Variants in PTPRT observed in about 807,000 individuals in gnomAD.
PTPRT encodes the protein receptor-type tyrosine-protein phosphatase T.
A neutral mutation model predicts 176.8 loss-of-function variants in PTPRT; 56 were observed. That is an observed-to-expected ratio of 0.32 (90% CI 0.26 to 0.40). The LOEUF (loss-of-function observed/expected upper bound fraction) is 0.40. Among genes scored for constraint, PTPRT ranks in the 10% least tolerant of loss-of-function variants. The pLI is 1.00. For missense variants in PTPRT, 1,540 were observed against 1,908.2 expected (o/e 0.81, Z 3.60); for synonymous variants, 783 against 739.0 (o/e 1.06, Z -0.96).
intron 1 of PTPRT, among the ~76,000 whole-genome samples, chr20:43,128,588 G>T (rs977426378): frequency 3.3e-5 from 5 of 152,242 alleles, no homozygotes; most frequent in African/African-American, 1.2e-4. Context: ...AAATGAGAAA[G>T]TTCCAGCAAT....
chr20:42,119,835 C>T, intron 20 of PTPRT, 100 bp downstream of exon 20: 2 of 1,056,816 alleles, frequency 1.9e-6, no homozygotes, highest in Non-Finnish European at 2.7e-6. Context: ...GTTGGAGTAA[C>T]AGATATAGGA....
intron 1 of PTPRT, among the ~76,000 whole-genome samples, chr20:42,914,492 C>T (rs964017288): frequency 2.0e-5 from 3 of 152,196 alleles, no homozygotes; most frequent in Admixed American, 2.0e-4. Context: ...CAATAAAATA[C>T]TACTCAGCAA....
At chr20:42,877,689 G>A (rs540844719) in intron 2 of PTPRT, among the ~76,000 whole-genome samples, 43 of 152,280 alleles carry the variant, frequency 2.8e-4, no homozygotes, top group African/African-American at 9.9e-4. Flanking sequence ...TGTTGTTCCT[G>A]CCTACAAGAA....
chr20:42,398,910 T>A (rs929704911), intron 9 of PTPRT, among the ~76,000 whole-genome samples: 8 of 152,194 alleles, frequency 5.3e-5, no homozygotes, highest in Admixed American at 2.6e-4. Context: ...AGGCTGCATG[T>A]TCCAAGATGG....
chr20:42,416,563 C>T lies in PTPRT; in HGVS notation c.1560+31657G>A, dbSNP rs2059068100. On this transcript the variant is annotated intron_variant, in intron 9 of 30. Coordinates refer to ENST00000373187, the MANE Select transcript of PTPRT (RefSeq NM_007050.6). ...CCGACTGGCCTTCTATTTGCTGCCC[C>T]TAAGTTAAATAGAAGAAATTGTTTG... is the stretch of plus-strand genomic sequence containing the variant. Among the ~76,000 whole-genome samples, 3 of 152,160 alleles carry T rather than the reference C, an allele frequency of 2.0e-5. No homozygotes were observed. In the South Asian group the frequency reaches 6.2e-4, roughly 31 times the overall value.
chr20:42,221,812 C>T (rs1011093453), intron 15 of PTPRT, among the ~76,000 whole-genome samples: 5 of 152,132 alleles, frequency 3.3e-5, no homozygotes, highest in African/African-American at 1.2e-4. Flanking sequence ...AGCCACCACA[C>T]CTGGCCAAAA....
rs776467589 is a variant in PTPRT, at chr20:42,080,849, G to T, written c.*30C>A. ...AGGGGGCTTGGTCACAGCAGCCTCT[G>T]GACTCCGGCAGGTTCCCCATCCCAT... On this transcript the variant is annotated 3_prime_UTR_variant, in exon 31 of 31. Transcript: ENST00000373187. 99 of 1,593,072 alleles carry T rather than the reference G, an allele frequency of 6.2e-5. No individual in the cohort carries two copies. In the Middle Eastern group the frequency reaches 8.3e-4, roughly 13 times the overall value.
At chr20:42,167,419 T>C (rs1293119076) in intron 16 of PTPRT, among the ~76,000 whole-genome samples, 1 of 152,162 alleles carries the variant, frequency 6.6e-6, no homozygotes, top group Non-Finnish European at 1.5e-5. Flanking sequence ...CTTTCACAGT[T>C]CCCTTTACAG....
chr20:43,112,151 C>G (rs553661343), intron 1 of PTPRT, among the ~76,000 whole-genome samples: 16 of 152,332 alleles, frequency 1.1e-4, no homozygotes, highest in South Asian at 6.2e-4. Flanking sequence ...GGGTGCTATC[C>G]GAGGAACAGT....
At chr20:42,618,616 G>T (rs1326109723) in intron 7 of PTPRT, among the ~76,000 whole-genome samples, 5 of 127,910 alleles carry the variant, frequency 3.9e-5, no homozygotes, top group Non-Finnish European at 6.4e-5. Flanking sequence ...TTATGAATCT[G>T]GGTGCTCCTG....
At chr20:43,036,575 A>G (rs1022332637) in intron 1 of PTPRT, among the ~76,000 whole-genome samples, 9 of 152,356 alleles carry the variant, frequency 5.9e-5, no homozygotes, top group East Asian at 1.9e-4. Context: ...ATTTACAAAA[A>G]AAAACCCCAT....
At chr20:42,141,043 G>A (rs533853019) in intron 18 of PTPRT, among the ~76,000 whole-genome samples, 2 of 152,298 alleles carry the variant, frequency 1.3e-5, no homozygotes, top group East Asian at 1.9e-4. Context: ...ACTCTGCACC[G>A]CTGACTTCAT....
intron 9 of PTPRT, among the ~76,000 whole-genome samples, chr20:42,356,005 T>A (rs999785929): frequency 6.6e-6 from 1 of 152,150 alleles, no homozygotes; most frequent in Admixed American, 6.5e-5. Flanking sequence ...TAATATAGCA[T>A]GTCTTCAATT....
At chr20:42,384,264 CA>C (rs1172661169) in intron 9 of PTPRT, among the ~76,000 whole-genome samples, 5 of 152,198 alleles carry the variant, frequency 3.3e-5, no homozygotes, top group Non-Finnish European at 7.3e-5. Context: ...GACCCATTAA[CA>C]AATTCTTAAA....
At chr20:42,879,760 CGT>C (rs1320637989) in intron 2 of PTPRT, among the ~76,000 whole-genome samples, 24 of 149,802 alleles carry the variant, frequency 1.6e-4, no homozygotes, top group Admixed American at 1.2e-3. Flanking sequence ...TGTGTGTGCG[CGT>C]GTGTGTGTGT....
chr20:43,065,934 G>C (rs907818360), intron 1 of PTPRT, among the ~76,000 whole-genome samples: 15 of 152,178 alleles, frequency 9.9e-5, no homozygotes, highest in Admixed American at 3.9e-4. Flanking sequence ...TAGCAAGCAA[G>C]AGAACCAGGA....
At position 42,277,711 on chromosome 20, in the gene PTPRT, G is replaced by T. The variant is rs370961102; in HGVS notation, c.2176+4778C>A. Reference sequence around the variant, plus strand: ...GGGTAGAGAGATCTCTATCACAGCAGGAACAGAAACAGAGGCTGGCTGGCC... The same window carrying T: ...GGGTAGAGAGATCTCTATCACAGCATGAACAGAAACAGAGGCTGGCTGGCC... On this transcript the variant is annotated intron_variant, in intron 13 of 30. Transcript: ENST00000373187. Among the ~76,000 whole-genome samples the T allele has an allele frequency of 6.6e-5, 10 of 152,056 alleles. No individual in the cohort carries two copies. The South Asian group carries it at 1.7e-3, about 25-fold the overall frequency.
intron 7 of PTPRT, among the ~76,000 whole-genome samples, chr20:42,555,350 T>A (rs1470748094): frequency 4.6e-5 from 7 of 152,168 alleles, no homozygotes; most frequent in Admixed American, 3.9e-4. Flanking sequence ...CCTGCCCTCA[T>A]GGAGCTGACA....
intron 6 of PTPRT, among the ~76,000 whole-genome samples, chr20:42,691,419 C>T (rs2075791584): frequency 6.6e-6 from 1 of 152,158 alleles, no homozygotes; most frequent in East Asian, 1.9e-4. Context: ...TGGCCTATCC[C>T]TATGTGCAAG....
Sources: allele counts gnomAD v4.1 joint callset (sites outside exome capture counted in the v4.1 genomes callset), GRCh38; gene constraint gnomAD v4.1.1; transcripts MANE v1.5; gene names NCBI Gene and HGNC (gene_info 2026-07-23, HGNC 2026-07-21).